The following DRC2 variants were observed in gnomAD, a reference collection of about 807,000 sequenced individuals.
DRC2 encodes the protein dynein regulatory complex subunit 2.
At chr12:48,907,146 T>C in the DRC2 span, among the ~76,000 whole-genome samples, 2 of 151,512 alleles carry the variant, frequency 1.3e-5, no homozygotes, top group Non-Finnish European at 2.9e-5. Context: ...ACCCGGGAGG[T>C]GGAGCTTGCA....
At chr12:48,916,466 G>T in the DRC2 span, among the ~76,000 whole-genome samples, 3 of 151,520 alleles carry the variant, frequency 2.0e-5, no homozygotes, top group African/African-American at 7.2e-5. Context: ...CAGGCGTGGA[G>T]GCGCGCGCCT....
chr12:48,918,553 C>T, the DRC2 span: 1 of 1,506,958 alleles, frequency 6.6e-7, no homozygotes, highest in African/African-American at 1.4e-5. Flanking sequence ...TTCCCCTGGG[C>T]CTCATCACTG....
At chr12:48,912,605 A>T in the DRC2 span, among the ~76,000 whole-genome samples, 1 of 152,020 alleles carries the variant, frequency 6.6e-6, no homozygotes, top group Non-Finnish European at 1.5e-5. Context: ...CACTTCCACC[A>T]TATTCTGTTG....
chr12:48,916,820 C>T, the DRC2 span: 12 of 646,142 alleles, frequency 1.9e-5, no homozygotes, highest in Non-Finnish European at 2.8e-5. Context: ...TCTTTCTAGC[C>T]CTAAAAAGAG....
At chr12:48,912,962 C>A in the DRC2 span, among the ~76,000 whole-genome samples, 7 of 151,710 alleles carry the variant, frequency 4.6e-5, no homozygotes, top group Non-Finnish European at 8.8e-5. Flanking sequence ...ATGGTGAAAC[C>A]CTGTCTCTAC....
chr12:48,912,116 C>T, the DRC2 span, among the ~76,000 whole-genome samples: 1 of 151,834 alleles, frequency 6.6e-6, no homozygotes, highest in Non-Finnish European at 1.5e-5. Flanking sequence ...AAAAATTAGC[C>T]AGGTGTGGTG....
the DRC2 span, chr12:48,914,443 G>C: frequency 1.2e-5 from 19 of 1,613,818 alleles, no homozygotes; most frequent in African/African-American, 1.5e-4. Flanking sequence ...GGAGCAGTAC[G>C]CCCATGCCCT....
chr12:48,904,865 C>G, the DRC2 span: 17 of 1,231,406 alleles, frequency 1.4e-5, no homozygotes, highest in Non-Finnish European at 1.6e-5. Context: ...GGTAAGGTGT[C>G]AGCTGATAAA....
chr12:48,911,496 G>A, the DRC2 span, among the ~76,000 whole-genome samples: 31 of 152,250 alleles, frequency 2.0e-4, no homozygotes, highest in South Asian at 4.6e-3. Flanking sequence ...GGTTGAGGCT[G>A]CAGTGAGCTG....
At chr12:48,920,441 T>TTTAAAAAAAAA in the DRC2 span, among the ~76,000 whole-genome samples, 1,476 of 67,660 alleles carry the variant, frequency 0.022, 174 homozygotes, top group Middle Eastern at 0.037. Context: ...AACTCCATCT[T>TTTAAAAAAAAA]AAAAAAAAAA....
the DRC2 span, among the ~76,000 whole-genome samples, chr12:48,920,439 C>CTT: frequency 2.6e-3 from 62 of 23,816 alleles, 1 homozygote; most frequent in East Asian, 6.9e-3. Flanking sequence ...GAAACTCCAT[C>CTT]TTAAAAAAAA....
the DRC2 span, among the ~76,000 whole-genome samples, chr12:48,908,868 TG>T: frequency 1.3e-5 from 2 of 151,698 alleles, no homozygotes; most frequent in African/African-American, 2.4e-5. Flanking sequence ...CCTAAAGTGC[TG>T]GGATTATAGG....
the DRC2 span, among the ~76,000 whole-genome samples, chr12:48,908,598 ATTATTATTAT>A: frequency 0.022 from 2,615 of 121,286 alleles, 92 homozygotes; most frequent in African/African-American, 0.066. Flanking sequence ...TATTATTATT[ATTATTATTAT>A]TTATTTATTT....
chr12:48,912,437 C>CAAAAAAAAAAAAAA, the DRC2 span, among the ~76,000 whole-genome samples: 620 of 45,318 alleles, frequency 0.014, 114 homozygotes, highest in African/African-American at 0.026. Flanking sequence ...GACGCCGTCT[C>CAAAAAAAAAAAAAA]AAAAAAAAAA....
At chr12:48,912,917 C>T in the DRC2 span, among the ~76,000 whole-genome samples, 1 of 151,828 alleles carries the variant, frequency 6.6e-6, no homozygotes, top group Admixed American at 6.6e-5. Context: ...CCAGGTGGAT[C>T]ACAAGGTCAA....
chr12:48,915,855 C>A, the DRC2 span, among the ~76,000 whole-genome samples: 1 of 151,058 alleles, frequency 6.6e-6, no homozygotes, highest in Non-Finnish European at 1.5e-5. Flanking sequence ...GGGCAGCTGC[C>A]GGGCGGAGGG....
chr12:48,909,801 G>A, the DRC2 span, among the ~76,000 whole-genome samples: 47,976 of 144,064 alleles, frequency 0.33, 8,940 homozygotes, highest in Admixed American at 0.49. Flanking sequence ...TTTTTCCCGA[G>A]ACGGAGTCTC....
At chr12:48,913,365 G>A in the DRC2 span, among the ~76,000 whole-genome samples, 18 of 151,584 alleles carry the variant, frequency 1.2e-4, no homozygotes, top group African/African-American at 3.9e-4. Flanking sequence ...GTGCAGTGGC[G>A]TGATCTCAGC....
the DRC2 span, chr12:48,918,691 A>G: frequency 3.7e-6 from 6 of 1,613,326 alleles, no homozygotes; most frequent in Non-Finnish European, 5.1e-6. Context: ...CTAGGATGCC[A>G]TAACTATTTC....
Sources: allele counts gnomAD v4.1 joint callset (sites outside exome capture counted in the v4.1 genomes callset), GRCh38; gene constraint gnomAD v4.1.1; transcripts MANE v1.5; gene names NCBI Gene and HGNC (gene_info 2026-07-23, HGNC 2026-07-21).